ERC1: variants seen among roughly 807,000 people sequenced by gnomAD.
ERC1 encodes ELKS/RAB6-interacting/CAST family member 1, also known as RAB6 interacting protein 2.
In ERC1, 56 loss-of-function variants were observed where a neutral mutation model predicts 132.0. The observed-to-expected ratio is 0.42, with a 90% CI of 0.34 to 0.53. The LOEUF is 0.53. Ranked by LOEUF, ERC1 falls within the 20% of genes least tolerant of loss-of-function variation. The pLI is 0.03. For synonymous variants in ERC1, 478 were observed against 476.1 expected (o/e 1.00, Z -0.05); for missense variants, 1,202 against 1,349.9 (o/e 0.89, Z 1.72).
At chr12:1,135,118 G>T (rs2154243446) in intron 7 of ERC1, among the ~76,000 whole-genome samples, 1 of 152,298 alleles carries the variant, frequency 6.6e-6, no homozygotes, top group East Asian at 1.9e-4. Context: ...ACATTTGGGT[G>T]CCTGAGGCTT....
intron 2 of ERC1, among the ~76,000 whole-genome samples, chr12:1,038,958 C>T (rs1321519928): frequency 6.6e-6 from 1 of 151,838 alleles, no homozygotes; most frequent in African/African-American, 2.4e-5. Context: ...AGTCCCAGCA[C>T]TTTGGGAGGC....
At chr12:1,015,187 G>A (rs919011035) in intron 1 of ERC1, among the ~76,000 whole-genome samples, 1 of 151,720 alleles carries the variant, frequency 6.6e-6, no homozygotes, top group Non-Finnish European at 1.5e-5. Flanking sequence ...TCTCACCTGA[G>A]TAACTGGTAC....
intron 15 of ERC1, among the ~76,000 whole-genome samples, chr12:1,350,177 T>A (rs578230296): frequency 3.6e-4 from 55 of 152,330 alleles, no homozygotes; most frequent in African/African-American, 1.3e-3. Context: ...GCGTTCAGTT[T>A]ATTCTGTTGT....
chr12:1,211,400 G>A (rs1040469735), intron 12 of ERC1, among the ~76,000 whole-genome samples: 5 of 152,018 alleles, frequency 3.3e-5, no homozygotes, highest in Non-Finnish European at 7.4e-5. Flanking sequence ...CACCCGCCTC[G>A]GCCTCCCAAA....
chr12:1,116,668 C>T (rs1439483155), intron 7 of ERC1, among the ~76,000 whole-genome samples: 6 of 151,840 alleles, frequency 4.0e-5, no homozygotes, highest in East Asian at 1.9e-4. Flanking sequence ...CCACTACCTC[C>T]GCCTCCTGGA....
intron 16 of ERC1, 106 bp downstream of exon 16, chr12:1,372,083 C>CCTTAA: frequency 1.5e-6 from 2 of 1,306,484 alleles, no homozygotes; most frequent in Non-Finnish European, 2.1e-6. Flanking sequence ...TCATATTAGA[C>CCTTAA]ATCTGATCAT....
chr12:1,168,321 G>A (rs1011712508), intron 8 of ERC1, among the ~76,000 whole-genome samples: 10 of 151,714 alleles, frequency 6.6e-5, no homozygotes, highest in African/African-American at 1.5e-4. Flanking sequence ...GATGGGTTTC[G>A]CCATGTTGCT....
chr12:1,314,164 C>G (rs1208234675), intron 15 of ERC1, among the ~76,000 whole-genome samples: 1 of 152,056 alleles, frequency 6.6e-6, no homozygotes, highest in Non-Finnish European at 1.5e-5. Flanking sequence ...AGAGGTGATT[C>G]ATTTACTATA....
chr12:1,367,669 A>G (rs2086789705), intron 15 of ERC1, among the ~76,000 whole-genome samples: 1 of 152,050 alleles, frequency 6.6e-6, no homozygotes, highest in Non-Finnish European at 1.5e-5. Flanking sequence ...ATTTGCCCAG[A>G]TGGGGGAAGG....
chr12:1,032,683 A>T (rs1004133913), intron 2 of ERC1, among the ~76,000 whole-genome samples: 2 of 152,168 alleles, frequency 1.3e-5, no homozygotes, highest in African/African-American at 4.8e-5. Flanking sequence ...TGTTCAAATG[A>T]TATATGACAG....
At chr12:1,440,101 T>G (rs1018938591) in intron 17 of ERC1, among the ~76,000 whole-genome samples, 1 of 152,174 alleles carries the variant, frequency 6.6e-6, no homozygotes, top group Non-Finnish European at 1.5e-5. Context: ...ATCAGAGTAA[T>G]CCATCACTTC....
chr12:1,034,903 A>AT (rs1968768946), intron 2 of ERC1, among the ~76,000 whole-genome samples: 1 of 152,190 alleles, frequency 6.6e-6, no homozygotes, highest in Admixed American at 6.5e-5. Flanking sequence ...TTCATGCCAA[A>AT]AAACCCATAT....
At chr12:1,479,689 A>G (rs74057803) in intron 18 of ERC1, among the ~76,000 whole-genome samples, 2,441 of 152,284 alleles carry the variant, frequency 0.016, 64 homozygotes, top group African/African-American at 0.056. Flanking sequence ...AGCCATAGTG[A>G]AAAACCAAGG....
intron 8 of ERC1, among the ~76,000 whole-genome samples, chr12:1,173,040 T>G (rs1334980037): frequency 6.6e-6 from 1 of 152,196 alleles, no homozygotes; most frequent in African/African-American, 2.4e-5. Context: ...ACCTCATTCT[T>G]TGGGGGTTCG....
chr12:1,029,927 T>C (rs969968620), intron 2 of ERC1, among the ~76,000 whole-genome samples: 1 of 152,080 alleles, frequency 6.6e-6, no homozygotes, highest in Non-Finnish European at 1.5e-5. Context: ...TTTGTATTTT[T>C]AGTAGAGACG....
At chr12:1,162,871 G>T (rs1566117807) in intron 8 of ERC1, among the ~76,000 whole-genome samples, 1 of 152,092 alleles carries the variant, frequency 6.6e-6, no homozygotes, top group Non-Finnish European at 1.5e-5. Context: ...ACATAATTTA[G>T]TTAGATATTA....
chr12:1,124,060 A>G lies in ERC1; in HGVS notation c.1569+8027A>G, dbSNP rs1031625500. On this transcript the variant is annotated intron_variant, in intron 7 of 18. Transcript: ENST00000360905. ...TCAACAATTGTAGTTGGTCATTTGG[A>G]TGTGCTCCTGTCAGAATTTGATCAA... 1.3e-4 allele frequency among the ~76,000 whole-genome samples: 20 copies of G among 152,332 alleles called. 2 individuals carry two copies. Among genetic ancestry groups the G allele is most frequent in the Admixed American group, 7.8e-4 (12 of 15,306 alleles).
chr12:1,228,595 C>A (rs1394511112), intron 12 of ERC1, among the ~76,000 whole-genome samples: 1 of 152,092 alleles, frequency 6.6e-6, no homozygotes, highest in Non-Finnish European at 1.5e-5. Context: ...AGAGTGGACT[C>A]CCTTTTCTTG....
chr12:1,345,289 T>C (rs577186461), intron 15 of ERC1, among the ~76,000 whole-genome samples: 1 of 151,416 alleles, frequency 6.6e-6, no homozygotes, highest in South Asian at 2.1e-4. Flanking sequence ...CACGCCATTC[T>C]CCTGCCTCAG....
Sources: gnomAD v4.1 joint callset for allele counts (sites outside exome capture counted in the v4.1 genomes callset) on GRCh38, gnomAD v4.1.1 for gene constraint, MANE v1.5 for transcripts, NCBI Gene and HGNC (gene_info 2026-07-23, HGNC 2026-07-21) for gene names.